Variants in GALNT13 observed in about 807,000 individuals in gnomAD.
GALNT13 encodes the protein polypeptide N-acetylgalactosaminyltransferase 13.
GALNT13 carries 28 observed loss-of-function variants against 64.2 expected under a neutral mutation model. That is an observed-to-expected ratio of 0.44 (90% CI 0.32 to 0.60). GALNT13 has a LOEUF of 0.60. GALNT13 is among the 20% of genes least tolerant of loss of function. The probability of loss-of-function intolerance (pLI) is 0.05; values close to 1 mark genes in which losing one functional copy is unlikely to be tolerated. For missense variants in GALNT13, 577 were observed against 669.8 expected (o/e 0.86, Z 1.53); for synonymous variants, 214 against 224.6 (o/e 0.95, Z 0.42).
chr2:154,317,831 T>G lies in GALNT13; in HGVS notation c.1156+16242T>G, dbSNP rs147242150. 4.7e-4 allele frequency among the ~76,000 whole-genome samples: 72 copies of G among 152,130 alleles called. 2 individuals are homozygous for G. In the South Asian group the frequency reaches 4.8e-3, roughly 10 times the overall value. On this transcript the variant is annotated intron_variant, in intron 9 of 12. Transcript: ENST00000392825. ...TGAGCACACTGACCCTGGAGGTAACTCTCTCTAGAATGGACTAAGTGGACT... is the reference window on the plus strand; with the variant it reads ...TGAGCACACTGACCCTGGAGGTAACGCTCTCTAGAATGGACTAAGTGGACT...
At chr2:153,450,802 T>G in the GALNT13 span, among the ~76,000 whole-genome samples, 3 of 152,268 alleles carry the variant, frequency 2.0e-5, no homozygotes, top group Middle Eastern at 3.4e-3. Context: ...AAAAGAAACT[T>G]TGATGGGCTT....
chr2:154,056,140 G>GA (rs1306437290), intron 3 of GALNT13, among the ~76,000 whole-genome samples: 1 of 151,194 alleles, frequency 6.6e-6, no homozygotes, highest in Non-Finnish European at 1.5e-5. Context: ...TATTTAAAAA[G>GA]AAAAAAAGGA....
At chr2:153,871,504 A>T (rs1685932195), upstream of GALNT13, among the ~76,000 whole-genome samples, 1 of 152,142 alleles carries the variant, frequency 6.6e-6, no homozygotes, top group Non-Finnish European at 1.5e-5. Flanking sequence ...GCAGTCTCTG[A>T]TCCTCCAGCT....
chr2:154,051,177 G>T (rs987028840), intron 3 of GALNT13, among the ~76,000 whole-genome samples: 4 of 151,342 alleles, frequency 2.6e-5, no homozygotes, highest in Admixed American at 6.6e-5. Flanking sequence ...GACATTAAAT[G>T]TTCAGAATGT....
At chr2:153,671,918 C>G in the GALNT13 span, among the ~76,000 whole-genome samples, 1 of 152,104 alleles carries the variant, frequency 6.6e-6, no homozygotes, top group Non-Finnish European at 1.5e-5. Flanking sequence ...TCTGATAAAA[C>G]AGACTTTAAA....
At chr2:153,069,921 T>G in the GALNT13 span, among the ~76,000 whole-genome samples, 2 of 152,180 alleles carry the variant, frequency 1.3e-5, no homozygotes, top group Non-Finnish European at 2.9e-5. Context: ...CATTATTTTG[T>G]GAATGCCATT....
the GALNT13 span, among the ~76,000 whole-genome samples, chr2:153,794,086 A>G: frequency 1.3e-5 from 2 of 152,202 alleles, no homozygotes; most frequent in African/African-American, 4.8e-5. Context: ...GTTTAGTTAC[A>G]TTTTAGTCTG....
At chr2:153,544,705 T>C in the GALNT13 span, among the ~76,000 whole-genome samples, 1 of 152,222 alleles carries the variant, frequency 6.6e-6, no homozygotes, top group Non-Finnish European at 1.5e-5. Context: ...TAACAATTTC[T>C]AATATGATAC....
intron 3 of GALNT13, among the ~76,000 whole-genome samples, chr2:153,973,395 C>T (rs1018060200): frequency 3.3e-5 from 5 of 151,856 alleles, no homozygotes; most frequent in African/African-American, 1.2e-4. Flanking sequence ...ACCACAAATC[C>T]TTTAATACAC....
the GALNT13 span, among the ~76,000 whole-genome samples, chr2:153,343,282 ACAGT>A: frequency 2.5e-4 from 38 of 152,342 alleles, no homozygotes; most frequent in Middle Eastern, 3.4e-3. Flanking sequence ...AAGATGAGAT[ACAGT>A]CAGAGAGGTG....
At chr2:153,938,321 G>A (rs1691095220) in intron 2 of GALNT13, among the ~76,000 whole-genome samples, 1 of 152,160 alleles carries the variant, frequency 6.6e-6, no homozygotes, top group Admixed American at 6.5e-5. Flanking sequence ...TCTGTTAAAT[G>A]TAGATGCATA....
chr2:153,475,465 C>A, the GALNT13 span, among the ~76,000 whole-genome samples: 1 of 152,044 alleles, frequency 6.6e-6, no homozygotes, highest in Non-Finnish European at 1.5e-5. Context: ...TTTTGAGATG[C>A]AGGGAAGAGG....
intron 4 of GALNT13, among the ~76,000 whole-genome samples, chr2:154,158,173 A>G (rs901439770): frequency 6.6e-6 from 1 of 152,012 alleles, no homozygotes; most frequent in African/African-American, 2.4e-5. Context: ...ACTATCCAAC[A>G]CTCATCTAAA....
chr2:153,277,120 C>T, the GALNT13 span, among the ~76,000 whole-genome samples: 4 of 152,188 alleles, frequency 2.6e-5, no homozygotes, highest in African/African-American at 4.8e-5. Context: ...TATTGTGCGA[C>T]GGTAATGCTT....
the GALNT13 span, among the ~76,000 whole-genome samples, chr2:153,578,424 T>C: frequency 6.6e-6 from 1 of 152,160 alleles, no homozygotes; most frequent in South Asian, 2.1e-4. Flanking sequence ...GAGAAATTAA[T>C]TTACCCAGAG....
intron 3 of GALNT13, among the ~76,000 whole-genome samples, chr2:153,984,342 T>C (rs1051300603): frequency 6.6e-6 from 1 of 151,718 alleles, no homozygotes; most frequent in Non-Finnish European, 1.5e-5. Context: ...TATTTGAAAG[T>C]GTATTTAGGG....
At chr2:153,441,401 T>C in the GALNT13 span, among the ~76,000 whole-genome samples, 2 of 152,244 alleles carry the variant, frequency 1.3e-5, no homozygotes, top group Non-Finnish European at 2.9e-5. Context: ...AGCTTTGTTC[T>C]TTTTACTTAC....
intron 1 of GALNT13, among the ~76,000 whole-genome samples, chr2:153,876,338 T>G (rs1313225540): frequency 6.6e-6 from 1 of 152,138 alleles, no homozygotes; most frequent in Non-Finnish European, 1.5e-5. Flanking sequence ...CAGATTAGAC[T>G]TCTGTTTACA....
the GALNT13 span, among the ~76,000 whole-genome samples, chr2:153,720,985 C>G: frequency 7.2e-4 from 109 of 151,910 alleles, no homozygotes; most frequent in Non-Finnish European, 1.3e-3. Context: ...TCCTTGAGAA[C>G]AGCAACTCCA....
Sources: gnomAD v4.1 joint callset for allele counts (sites outside exome capture counted in the v4.1 genomes callset) on GRCh38, gnomAD v4.1.1 for gene constraint, MANE v1.5 for transcripts, NCBI Gene and HGNC (gene_info 2026-07-23, HGNC 2026-07-21) for gene names.